WWOX: variants seen among roughly 807,000 people sequenced by gnomAD.
WWOX encodes WW domain-containing oxidoreductase.
WWOX carries 69 observed loss-of-function variants against 46.2 expected under a neutral mutation model. The ratio of observed to expected loss-of-function variants is 1.49; its 90% confidence interval spans 1.23 to 1.82. The LOEUF (loss-of-function observed/expected upper bound fraction) is 1.82, where lower values mean the gene tolerates loss of function less well. WWOX is among the 40% of genes most tolerant of loss of function. The pLI, the probability that WWOX is intolerant of heterozygous loss-of-function variation, is 0.00. For missense variants in WWOX, 919 were observed against 542.6 expected (o/e 1.69, Z -6.89); for synonymous variants, 359 against 202.6 (o/e 1.77, Z -6.56).
intron 8 of WWOX, among the ~76,000 whole-genome samples, chr16:78,903,692 C>G (rs1419784746): frequency 6.6e-6 from 1 of 152,170 alleles, no homozygotes; most frequent in South Asian, 2.1e-4. Context: ...TTGAGAAGCA[C>G]CTGGACACTT....
At chr16:79,023,319 C>T (rs2047572567) in intron 8 of WWOX, among the ~76,000 whole-genome samples, 1 of 152,202 alleles carries the variant, frequency 6.6e-6, no homozygotes, top group African/African-American at 2.4e-5. Context: ...TTATAGACCT[C>T]TGATCAGCTT....
intron 8 of WWOX, among the ~76,000 whole-genome samples, chr16:78,625,232 G>C (rs2046285315): frequency 6.6e-6 from 1 of 152,090 alleles, no homozygotes; most frequent in African/African-American, 2.4e-5. Context: ...GGGGTCACCG[G>C]GGTCGCTGCC....
At chr16:78,602,299 C>T (rs966599982) in intron 8 of WWOX, among the ~76,000 whole-genome samples, 1 of 151,996 alleles carries the variant, frequency 6.6e-6, no homozygotes, top group South Asian at 2.1e-4. Context: ...GTGGTGTAAT[C>T]TCGGCTTACT....
intron 8 of WWOX, among the ~76,000 whole-genome samples, chr16:78,481,335 T>G (rs1302811869): frequency 1.3e-5 from 2 of 152,196 alleles, no homozygotes; most frequent in Non-Finnish European, 2.9e-5. Flanking sequence ...TGGTTTTCAG[T>G]GCTCAGCTGA....
At chr16:79,138,252 G>C (rs1002003205) in intron 8 of WWOX, among the ~76,000 whole-genome samples, 40 of 152,192 alleles carry the variant, frequency 2.6e-4, no homozygotes, top group Admixed American at 1.6e-3. Flanking sequence ...TGTTCTAAGA[G>C]CAAGGTGCTG....
chr16:78,315,134 A>T (rs2151878755), intron 5 of WWOX, among the ~76,000 whole-genome samples: 1 of 152,236 alleles, frequency 6.6e-6, no homozygotes, highest in South Asian at 2.1e-4. Flanking sequence ...TGTCTGCTAT[A>T]GAAATAGCAA....
intron 8 of WWOX, among the ~76,000 whole-genome samples, chr16:78,697,993 T>C (rs948376437): frequency 1.3e-5 from 2 of 152,198 alleles, no homozygotes; most frequent in Admixed American, 1.3e-4. Flanking sequence ...TGAGTTGCTA[T>C]ACTGTTTTAG....
chr16:78,893,550 A>C (rs1456170174), intron 8 of WWOX, among the ~76,000 whole-genome samples: 1 of 152,206 alleles, frequency 6.6e-6, no homozygotes, highest in East Asian at 1.9e-4. Context: ...CTCCTCTCTC[A>C]GACTCAGCTC....
chr16:78,215,135 A>T (rs551574144), intron 5 of WWOX, among the ~76,000 whole-genome samples: 9 of 152,208 alleles, frequency 5.9e-5, no homozygotes, highest in African/African-American at 1.9e-4. Context: ...TTGCTCTTTG[A>T]CTGTGTGCTG....
chr16:79,084,282 G>T (rs564210442), intron 8 of WWOX, among the ~76,000 whole-genome samples: 8 of 152,238 alleles, frequency 5.3e-5, no homozygotes, highest in Admixed American at 5.2e-4. Flanking sequence ...TGTACAAAGA[G>T]AAGTAGAACT....
chr16:78,274,058 A>G (rs2079533703), intron 5 of WWOX, among the ~76,000 whole-genome samples: 2 of 152,216 alleles, frequency 1.3e-5, no homozygotes, highest in Non-Finnish European at 2.9e-5. Flanking sequence ...TTTTCAAACT[A>G]CAAACAAATA....
intron 8 of WWOX, among the ~76,000 whole-genome samples, chr16:78,959,463 A>G (rs2151310316): frequency 6.6e-6 from 1 of 152,294 alleles, no homozygotes; most frequent in East Asian, 1.9e-4. Context: ...GATAATAAAA[A>G]CCTTCACAGG....
At chr16:78,588,538 T>A (rs565080587) in intron 8 of WWOX, among the ~76,000 whole-genome samples, 1 of 152,286 alleles carries the variant, frequency 6.6e-6, no homozygotes, top group African/African-American at 2.4e-5. Context: ...AGGAATGAAA[T>A]ACTATAATCA....
chr16:78,707,590 A>C (rs2048351274), intron 8 of WWOX, among the ~76,000 whole-genome samples: 1 of 152,140 alleles, frequency 6.6e-6, no homozygotes, highest in African/African-American at 2.4e-5. Context: ...TGCAGTATTC[A>C]ATCTTTTTAA....
chr16:79,055,027 C>T (rs1034206785), intron 8 of WWOX, among the ~76,000 whole-genome samples: 2 of 152,226 alleles, frequency 1.3e-5, no homozygotes, highest in East Asian at 1.9e-4. Context: ...AAATGGCTTT[C>T]CCATGGAGTT....
At chr16:78,141,525 C>T (rs1046172306) in intron 4 of WWOX, among the ~76,000 whole-genome samples, 1 of 150,672 alleles carries the variant, frequency 6.6e-6, no homozygotes, top group Non-Finnish European at 1.5e-5. Flanking sequence ...TATTCCTAGC[C>T]AGGCATTTGT....
intron 8 of WWOX, among the ~76,000 whole-genome samples, chr16:78,846,233 C>G (rs1215541594): frequency 6.6e-6 from 1 of 152,178 alleles, no homozygotes. Flanking sequence ...TCCCCTAATA[C>G]TAACATGATA....
chr16:78,204,868 T>G (rs1300300922), intron 5 of WWOX, among the ~76,000 whole-genome samples: 2 of 152,192 alleles, frequency 1.3e-5, no homozygotes, highest in Non-Finnish European at 2.9e-5. Context: ...TCCTTGCCAT[T>G]AGTTAGGTAA....
chr16:78,982,603 T>G (rs886495101), intron 8 of WWOX, among the ~76,000 whole-genome samples: 4 of 152,194 alleles, frequency 2.6e-5, no homozygotes, highest in Non-Finnish European at 4.4e-5. Flanking sequence ...GTATGCTCTA[T>G]GGCTTCTTGA....
Sources: gnomAD v4.1 joint callset for allele counts (sites outside exome capture counted in the v4.1 genomes callset) on GRCh38, gnomAD v4.1.1 for gene constraint, MANE v1.5 for transcripts, NCBI Gene and HGNC (gene_info 2026-07-23, HGNC 2026-07-21) for gene names.